The following RANGAP1 variants were observed in gnomAD, a reference collection of about 807,000 sequenced individuals.
RANGAP1 encodes the protein ran GTPase-activating protein 1.
RANGAP1 carries 38 observed loss-of-function variants against 63.5 expected under a neutral mutation model. That is an observed-to-expected ratio of 0.60 (90% CI 0.46 to 0.78). RANGAP1 has a LOEUF of 0.78. RANGAP1 is among the 30% of genes least tolerant of loss of function. The probability of loss-of-function intolerance (pLI) is 0.00; values close to 1 mark genes in which losing one functional copy is unlikely to be tolerated. For missense variants in RANGAP1, 630 were observed against 740.3 expected, an observed-to-expected ratio of 0.85 and a Z score of 1.73; for synonymous variants, 329 against 310.5, an observed-to-expected ratio of 1.06 and a Z score of -0.63.
intron 1 of RANGAP1, chr22:41,285,573 G>C (rs2035710530): frequency 3.0e-6 from 3 of 985,316 alleles, no homozygotes; most frequent in Admixed American, 6.1e-5. Flanking sequence ...GCGCCAGCCC[G>C]GGGCCCCCGC....
chr22:41,288,849 G>A (rs1182326817), upstream of RANGAP1, among the ~76,000 whole-genome samples: 1 of 151,400 alleles, frequency 6.6e-6, no homozygotes, highest in Non-Finnish European at 1.5e-5. Context: ...GTTCACATTC[G>A]AAGCTAAAAA....
chr22:41,263,507 C>T (rs868122162), intron 5 of RANGAP1, among the ~76,000 whole-genome samples: 4 of 152,302 alleles, frequency 2.6e-5, no homozygotes, highest in Middle Eastern at 3.4e-3. Context: ...GCCTCAGCCT[C>T]CCGAATAGCT....
chr22:41,248,496 C>T (rs1051779473), intron 15 of RANGAP1, among the ~76,000 whole-genome samples: 1 of 152,258 alleles, frequency 6.6e-6, no homozygotes, highest in Non-Finnish European at 1.5e-5. Flanking sequence ...TATCCTGCCT[C>T]AGCTGGTGGG....
At chr22:41,280,272 C>G (rs531749680) in intron 2 of RANGAP1, among the ~76,000 whole-genome samples, 11 of 152,164 alleles carry the variant, frequency 7.2e-5, no homozygotes, top group Admixed American at 3.9e-4. Flanking sequence ...CAGACCAGTT[C>G]CCCTGGTTGG....
chr22:41,300,680 A>C, the RANGAP1 span, among the ~76,000 whole-genome samples: 1 of 150,968 alleles, frequency 6.6e-6, no homozygotes, highest in African/African-American at 2.4e-5. Context: ...CACGTTGGCT[A>C]GTCTGGTCTT....
Position 41,260,042 on chromosome 22 carries a change from A to G in RANGAP1, c.615+1404T>C, listed in dbSNP as rs557135201. Among the ~76,000 whole-genome samples the G allele has an allele frequency of 5.9e-5, 9 of 151,652 alleles. 1 individual carries two copies. The East Asian group carries it at 1.2e-3, about 20-fold the overall frequency. ...TTTTTTTTTTGGGTTCAGGGACTAC[A>G]TGTGCTTGTTTGTTATGTGGGTAGT... On this transcript the variant is annotated intron_variant, in intron 6 of 15. Transcript: ENST00000356244.
intron 3 of RANGAP1, 33 bp downstream of exon 3, chr22:41,274,567 C>G (rs1253005447): frequency 1.9e-6 from 3 of 1,611,646 alleles, no homozygotes; most frequent in African/African-American, 2.7e-5. Flanking sequence ...CTTGTTCAAA[C>G]CAGCCTGGGC....
chr22:41,290,236 T>A (rs1172705819), upstream of RANGAP1, among the ~76,000 whole-genome samples: 1 of 148,636 alleles, frequency 6.7e-6, no homozygotes, highest in Non-Finnish European at 1.5e-5. Context: ...TTACTTTTTT[T>A]TTTTTTTTTT....
chr22:41,261,304 G>A, intron 6 of RANGAP1, 142 bp downstream of exon 6: 1 of 1,293,374 alleles, frequency 7.7e-7, no homozygotes, highest in Admixed American at 2.2e-5. Context: ...TTTTCGGATG[G>A]GTTAACAGGC....
intron 2 of RANGAP1, among the ~76,000 whole-genome samples, chr22:41,278,756 T>TA: frequency 6.6e-6 from 1 of 152,320 alleles, no homozygotes; most frequent in East Asian, 1.9e-4. Context: ...TCAAAAGTGA[T>TA]AAACGAGGTC....
chr22:41,256,690 G>A (rs765751613), intron 8 of RANGAP1, 21 bp downstream of exon 8: 13 of 1,605,106 alleles, frequency 8.1e-6, no homozygotes, highest in South Asian at 6.6e-5. Flanking sequence ...GAGGGAGGAC[G>A]TCAGGCGTCC....
At chr22:41,251,206 C>A in intron 12 of RANGAP1, 97 bp from the exon 13 acceptor site, 1 of 903,374 alleles carries the variant, frequency 1.1e-6, no homozygotes, top group Non-Finnish European at 1.7e-6. Flanking sequence ...GTACAAAGGC[C>A]CCTGGCGGGC....
At chr22:41,260,809 C>G (rs2034122733) in intron 6 of RANGAP1, among the ~76,000 whole-genome samples, 1 of 152,160 alleles carries the variant, frequency 6.6e-6, no homozygotes. Context: ...ACGCACTGCA[C>G]TCCAGCATGG....
At chr22:41,248,182 CTGGGG>C (rs1183960111) in intron 15 of RANGAP1, among the ~76,000 whole-genome samples, 19 of 74,724 alleles carry the variant, frequency 2.5e-4, no homozygotes, top group Admixed American at 4.4e-4. Flanking sequence ...GCACACTGTG[CTGGGG>C]TGGGGTGGGG....
At chr22:41,284,668 TAGAAACCA>T (rs2035666557) in intron 1 of RANGAP1, among the ~76,000 whole-genome samples, 1 of 152,066 alleles carries the variant, frequency 6.6e-6, no homozygotes, top group African/African-American at 2.4e-5. Context: ...GCACAGGAGT[TAGAAACCA>T]GCCTGGGCAG....
chr22:41,256,152 C>T, intron 9 of RANGAP1, 39 bp downstream of exon 9: 1 of 1,613,886 alleles, frequency 6.2e-7, no homozygotes, highest in South Asian at 1.1e-5. Context: ...CCAGGGCCAG[C>T]CTAGCAGACC....
the RANGAP1 span, among the ~76,000 whole-genome samples, chr22:41,293,849 G>A: frequency 6.6e-6 from 1 of 151,784 alleles, no homozygotes; most frequent in Non-Finnish European, 1.5e-5. Context: ...GGTGGATATG[G>A]GGTCTCACTA....
chr22:41,248,875 G>A (rs1016598618), intron 15 of RANGAP1, among the ~76,000 whole-genome samples: 10 of 152,222 alleles, frequency 6.6e-5, no homozygotes, highest in South Asian at 2.1e-4. Flanking sequence ...GAGAGGGCCC[G>A]GGGCTGCAGA....
At chr22:41,288,094 C>T (rs754495051), upstream of RANGAP1, among the ~76,000 whole-genome samples, 1 of 152,182 alleles carries the variant, frequency 6.6e-6, no homozygotes, top group African/African-American at 2.4e-5. Flanking sequence ...CATTACCACC[C>T]TTCCCAGCAC....
Sources: gnomAD v4.1 joint callset for allele counts (sites outside exome capture counted in the v4.1 genomes callset) on GRCh38, gnomAD v4.1.1 for gene constraint, MANE v1.5 for transcripts, NCBI Gene and HGNC (gene_info 2026-07-23, HGNC 2026-07-21) for gene names.